The following ALDH1A2 variants were observed in gnomAD, a reference collection of about 807,000 sequenced individuals.
The protein encoded by ALDH1A2 is retinal dehydrogenase 2.
A neutral mutation model predicts 60.3 loss-of-function variants in ALDH1A2; 27 were observed. That is an observed-to-expected ratio of 0.45 (90% CI 0.33 to 0.62). ALDH1A2 has a LOEUF of 0.62. Among genes scored for constraint, ALDH1A2 ranks in the 20% least tolerant of loss-of-function variants. The pLI is 0.02. For missense variants in ALDH1A2, 581 were observed against 643.8 expected (o/e 0.90, Z 1.06); for synonymous variants, 289 against 232.4 (o/e 1.24, Z -2.21).
At chr15:57,970,887 C>T (rs1436715937) in intron 7 of ALDH1A2, among the ~76,000 whole-genome samples, 1 of 152,182 alleles carries the variant, frequency 6.6e-6, no homozygotes, top group African/African-American at 2.4e-5. Flanking sequence ...CTGGTTCCAA[C>T]TGTGTTGGGA....
rs530253366 is a variant in ALDH1A2, at chr15:58,036,850, T to C, written c.118-22569A>G. On this transcript the variant is annotated intron_variant, in intron 1 of 12. Coordinates refer to ENST00000249750, the MANE Select transcript of ALDH1A2 (RefSeq NM_003888.4). ...AGAGAAATCTGTGTGGCTGACATGTTAGAATAACACTTTGGGGAAATAAGA... is the reference window on the plus strand; with the variant it reads ...AGAGAAATCTGTGTGGCTGACATGTCAGAATAACACTTTGGGGAAATAAGA... The C allele has an allele frequency of 4.6e-5, 7 of 151,804 alleles. No homozygotes were observed. The East Asian group carries it at 1.2e-3, about 25-fold the overall frequency. The allele number at this position is 151,804 out of a possible 1,614,324, so 9.4% of individuals were successfully genotyped here.
At position 57,964,089 on chromosome 15, in the gene ALDH1A2, T is replaced by C. The variant is rs766315896; in HGVS notation, c.902-20A>G. 16 of 1,613,570 alleles carry C rather than the reference T, an allele frequency of 9.9e-6. No homozygotes were observed. In the East Asian group the frequency reaches 2.0e-4, roughly 20 times the overall value. ...AGTCCACTACAAGAGGAAACAGCCA[T>C]GTTCTCACCGCTTTGCCTGGGGAGG... On this transcript the variant is annotated intron_variant, in intron 8 of 12. Transcript: ENST00000249750.
chr15:57,970,583 A>G (rs1181768321), intron 7 of ALDH1A2, among the ~76,000 whole-genome samples: 1 of 152,216 alleles, frequency 6.6e-6, no homozygotes, highest in Non-Finnish European at 1.5e-5. Context: ...AAGGCTTTTC[A>G]TGCCCTCTTT....
chr15:57,960,916 CT>C, intron 11 of ALDH1A2, 72 bp from the exon 12 acceptor site: 1 of 1,448,540 alleles, frequency 6.9e-7, no homozygotes, highest in Non-Finnish European at 9.6e-7. Context: ...CATGGTATTT[CT>C]TTTAGAAGTT....
intron 1 of ALDH1A2, among the ~76,000 whole-genome samples, chr15:58,061,022 C>CA (rs1450211038): frequency 7.9e-5 from 12 of 152,272 alleles, no homozygotes; most frequent in African/African-American, 2.6e-4. Context: ...TCAGACCTCA[C>CA]AAAACAGTCT....
chr15:57,961,046 A>G (rs1893700561), intron 11 of ALDH1A2, 91 bp downstream of exon 11: 2 of 1,550,266 alleles, frequency 1.3e-6, no homozygotes, highest in East Asian at 2.2e-5. Context: ...TGCTTTTGGT[A>G]TTCCCCATCC....
chr15:58,003,966 C>G (rs1386416129), intron 4 of ALDH1A2, among the ~76,000 whole-genome samples: 1 of 151,842 alleles, frequency 6.6e-6, no homozygotes, highest in Admixed American at 6.6e-5. Context: ...GTAAAGGAAA[C>G]AACATCAAGA....
At chr15:57,995,647 G>T (rs1895034346) in intron 4 of ALDH1A2, among the ~76,000 whole-genome samples, 1 of 152,048 alleles carries the variant, frequency 6.6e-6, no homozygotes, top group East Asian at 1.9e-4. Flanking sequence ...GTGTCAAAAT[G>T]TACTTCCTGG....
rs766436578 is a variant in ALDH1A2 at position 58,003,832 on chromosome 15, T to C, written c.493+6817A>G. On this transcript the variant is annotated intron_variant, in intron 4 of 12. Transcript: ENST00000249750. ...AGGTAAAAAAGTGTTCCATAGGTCA[T>C]AGTAATGATTATTATTTATCATCAT... Among the ~76,000 whole-genome samples, 61 of 151,912 alleles carry C rather than the reference T, an allele frequency of 4.0e-4. 1 individual carries two copies. The highest frequency in any genetic ancestry group is 4.6e-4 in the Admixed American group (7 of 15,220).
At chr15:58,021,178 C>G (rs1010318747) in intron 1 of ALDH1A2, among the ~76,000 whole-genome samples, 15 of 152,042 alleles carry the variant, frequency 9.9e-5, no homozygotes, top group Non-Finnish European at 2.2e-4. Context: ...ATATGAAAAT[C>G]TGCATTTTAA....
chr15:57,993,663 G>T (rs1285598224), intron 5 of ALDH1A2, among the ~76,000 whole-genome samples: 1 of 152,180 alleles, frequency 6.6e-6, no homozygotes, highest in Non-Finnish European at 1.5e-5. Context: ...AGCTATTGGA[G>T]ACTACAGTAA....
intron 1 of ALDH1A2, among the ~76,000 whole-genome samples, chr15:58,058,310 C>T (rs1292906981): frequency 2.0e-5 from 3 of 151,818 alleles, no homozygotes; most frequent in Non-Finnish European, 4.4e-5. Flanking sequence ...TTGCATATCT[C>T]GTGGGCTTGC....
chr15:57,959,642 C>G (rs1301849709), intron 12 of ALDH1A2, among the ~76,000 whole-genome samples: 1 of 151,982 alleles, frequency 6.6e-6, no homozygotes. Context: ...CACAAGAACC[C>G]TGAGGTAGGT....
At position 57,961,122 on chromosome 15, in the gene ALDH1A2, T is replaced by C. The variant is rs1893702780; in HGVS notation, c.1409+15A>G. The C allele has an allele frequency of 6.2e-7, 1 of 1,613,804 alleles. No individual in the cohort carries two copies. Among genetic ancestry groups the C allele is most frequent in the East Asian group, 2.2e-5 (1 of 44,884 alleles). On this transcript the variant is annotated intron_variant, in intron 11 of 12. Transcript: ENST00000249750. ...CCACCAGTGGAATTTGTTACAAGAC[T>C]GACTCTGATCTTACCAAACAGTCCC...
intron 7 of ALDH1A2, among the ~76,000 whole-genome samples, chr15:57,966,329 G>A (rs557572500): frequency 6.6e-6 from 1 of 152,210 alleles, no homozygotes; most frequent in South Asian, 2.1e-4. Context: ...TAGAGCTACA[G>A]TAAAAGGATA....
At chr15:58,047,025 A>G (rs1896655917) in intron 1 of ALDH1A2, among the ~76,000 whole-genome samples, 1 of 152,172 alleles carries the variant, frequency 6.6e-6, no homozygotes, top group Middle Eastern at 3.4e-3. Context: ...GGAAAACAAG[A>G]GAGGACAAAC....
At position 58,014,016 on chromosome 15, in the gene ALDH1A2, G is replaced by A. The variant is rs1268994366; in HGVS notation, c.223-18C>T. The A allele has an allele frequency of 1.2e-6, 2 of 1,614,058 alleles. No individual in the cohort carries two copies. On this transcript the variant is annotated intron_variant, in intron 2 of 12. Coordinates refer to ENST00000249750, the MANE Select transcript of ALDH1A2 (RefSeq NM_003888.4). ...ATATCTGCCTGTTAGAGAGGAAGAG[G>A]CACAACTGAAGAAAAACACTCCAAA...
intron 9 of ALDH1A2, among the ~76,000 whole-genome samples, chr15:57,962,974 G>GT (rs754629225): frequency 2.6e-5 from 4 of 152,152 alleles, no homozygotes; most frequent in Non-Finnish European, 5.9e-5. Context: ...AACCTGCAGA[G>GT]GAGGCTGTTC....
intron 10 of ALDH1A2, 22 bp from the exon 11 acceptor site, chr15:57,961,316 C>G (rs768085641): frequency 1.2e-6 from 2 of 1,612,252 alleles, no homozygotes; most frequent in Non-Finnish European, 1.7e-6. Context: ...TAATATGACT[C>G]AACATGGTTG....
Sources: allele counts gnomAD v4.1 joint callset (sites outside exome capture counted in the v4.1 genomes callset), GRCh38; gene constraint gnomAD v4.1.1; transcripts MANE v1.5; gene names NCBI Gene and HGNC (gene_info 2026-07-23, HGNC 2026-07-21).